The following UNC13C variants were observed in gnomAD, a reference collection of about 807,000 sequenced individuals.
UNC13C encodes protein unc-13 homolog C.
In UNC13C, 174 loss-of-function variants were observed where a neutral mutation model predicts 245.4. That is an observed-to-expected ratio of 0.71 (90% confidence interval 0.63 to 0.80). The LOEUF (loss-of-function observed/expected upper bound fraction) is 0.80, where lower values mean the gene tolerates loss of function less well. Among genes scored for constraint, UNC13C ranks in the 30% least tolerant of loss-of-function variants. UNC13C has a pLI of 0.00. For missense variants in UNC13C, 2,829 were observed against 2,602.9 expected (o/e 1.09, Z -1.89); for synonymous variants, 992 against 895.1 (o/e 1.11, Z -1.93).
intron 29 of UNC13C, among the ~76,000 whole-genome samples, chr15:54,561,708 T>G (rs943831196): frequency 6.6e-6 from 1 of 151,990 alleles, no homozygotes; most frequent in African/African-American, 2.4e-5. Flanking sequence ...AGAGGATTCA[T>G]CGATGATTTT....
chr15:53,862,071 A>G, the UNC13C span, among the ~76,000 whole-genome samples: 1 of 151,914 alleles, frequency 6.6e-6, no homozygotes, highest in Non-Finnish European at 1.5e-5. Context: ...ACAGAAATTT[A>G]TTTTTCACAG....
intron 29 of UNC13C, among the ~76,000 whole-genome samples, chr15:54,560,254 T>A (rs1897248494): frequency 6.6e-6 from 1 of 151,916 alleles, no homozygotes; most frequent in Non-Finnish European, 1.5e-5. Context: ...ATTCTTCTTA[T>A]AATCTTGTAA....
At chr15:54,463,088 G>A (rs1457321095) in intron 19 of UNC13C, among the ~76,000 whole-genome samples, 1 of 151,632 alleles carries the variant, frequency 6.6e-6, no homozygotes, top group African/African-American at 2.4e-5. Context: ...AATCTAGTGG[G>A]GACTTGGAGA....
chr15:53,943,610 A>G, the UNC13C span, among the ~76,000 whole-genome samples: 2 of 152,168 alleles, frequency 1.3e-5, no homozygotes. Flanking sequence ...TTATCCATAA[A>G]GGGCTTATGC....
At chr15:54,053,945 A>G (rs1283429241) in intron 2 of UNC13C, among the ~76,000 whole-genome samples, 1 of 152,164 alleles carries the variant, frequency 6.6e-6, no homozygotes, top group African/African-American at 2.4e-5. Flanking sequence ...TTTCAGTTCT[A>G]TTCATGTTGT....
At chr15:54,479,126 G>T (rs1474945166) in intron 19 of UNC13C, among the ~76,000 whole-genome samples, 1 of 151,996 alleles carries the variant, frequency 6.6e-6, no homozygotes, top group Non-Finnish European at 1.5e-5. Flanking sequence ...GAATATATAT[G>T]CTGTCCAGTG....
intron 30 of UNC13C, among the ~76,000 whole-genome samples, chr15:54,576,679 T>C (rs1466044135): frequency 1.3e-5 from 2 of 152,180 alleles, no homozygotes; most frequent in African/African-American, 4.8e-5. Context: ...CTGTAGGACA[T>C]TGCTGCATTG....
At chr15:53,948,308 T>C in the UNC13C span, 74 of 152,290 alleles carry the variant, frequency 4.9e-4, no homozygotes, top group African/African-American at 1.6e-3. Context: ...AAGTACTCTG[T>C]TGAGAAACTT....
chr15:54,389,642 C>A (rs1375838833), intron 17 of UNC13C, among the ~76,000 whole-genome samples: 1 of 152,074 alleles, frequency 6.6e-6, no homozygotes, highest in African/African-American at 2.4e-5. Flanking sequence ...TCATCAAAAG[C>A]TGTTATAGCC....
At chr15:53,910,053 A>G in the UNC13C span, among the ~76,000 whole-genome samples, 4 of 141,964 alleles carry the variant, frequency 2.8e-5, no homozygotes, top group Admixed American at 2.9e-4. Context: ...TGGTAGGGAA[A>G]CTGTGCCTGC....
At chr15:54,003,990 G>A (rs143716081) in intron 1 of UNC13C, among the ~76,000 whole-genome samples, 13 of 152,138 alleles carry the variant, frequency 8.5e-5, no homozygotes, top group African/African-American at 2.9e-4. Context: ...CAGCCTGGGC[G>A]ACAGAGTGAG....
chr15:54,585,121 T>C (rs1019641224), intron 30 of UNC13C, among the ~76,000 whole-genome samples: 7 of 152,134 alleles, frequency 4.6e-5, no homozygotes, highest in African/African-American at 1.7e-4. Context: ...GTAACAGAGA[T>C]GGTGATATAG....
chr15:54,507,914 T>G (rs1288332446), intron 23 of UNC13C, among the ~76,000 whole-genome samples: 1 of 151,844 alleles, frequency 6.6e-6, no homozygotes. Context: ...AAAAACCAGT[T>G]TTTTCCCCCT....
chr15:54,164,866 A>T (rs912531908), intron 4 of UNC13C, among the ~76,000 whole-genome samples: 8 of 152,226 alleles, frequency 5.3e-5, no homozygotes, highest in Non-Finnish European at 1.0e-4. Context: ...TATAATTTGA[A>T]ATTTTAGCTA....
Position 54,264,348 on chromosome 15 carries a change from G to C in UNC13C, c.3629G>C (p.Ser1210Thr). The change falls in exon 9 of 33, where the codon AGT (serine) becomes ACT (threonine). Residue 1210 changes from serine (S) to threonine (T), a missense_variant. Ser to Thr is a moderately conservative substitution (Grantham distance 58). Coordinates refer to ENST00000260323, the MANE Select transcript of UNC13C (RefSeq NM_001080534.3). ...FVQFTKAAKQ[S>T]VLDGTSKWSA... ...CAGTTTACAAAGGCGGCCAAACAGA[G>C]TGTACTGGATGGGACATCTAAGTGG... is the stretch of plus-strand genomic sequence containing the variant. The C allele has an allele frequency of 6.2e-7, 1 of 1,606,144 alleles. No individual in the cohort carries two copies. The highest frequency in any genetic ancestry group is 8.5e-7 in the Non-Finnish European group (1 of 1,175,960).
intron 19 of UNC13C, among the ~76,000 whole-genome samples, chr15:54,458,901 G>A (rs1474466111): frequency 6.6e-6 from 1 of 151,908 alleles, no homozygotes; most frequent in Non-Finnish European, 1.5e-5. Context: ...TATATTCAAT[G>A]TTAGTATTGA....
intron 4 of UNC13C, among the ~76,000 whole-genome samples, chr15:54,184,716 C>T (rs566829643): frequency 3.3e-5 from 5 of 152,132 alleles, no homozygotes; most frequent in Non-Finnish European, 5.9e-5. Context: ...TGAATAGTGC[C>T]GCAATAAACA....
intron 2 of UNC13C, among the ~76,000 whole-genome samples, chr15:54,041,079 C>T (rs1896788860): frequency 6.6e-6 from 1 of 152,186 alleles, no homozygotes; most frequent in African/African-American, 2.4e-5. Context: ...ACCAGAGCAG[C>T]AGACTTTGTC....
chr15:54,415,427 A>T (rs1325646094), intron 19 of UNC13C, among the ~76,000 whole-genome samples: 1 of 152,144 alleles, frequency 6.6e-6, no homozygotes, highest in Non-Finnish European at 1.5e-5. Context: ...ACTTGGAAAT[A>T]GTATCCACCA....
Sources: gnomAD v4.1 joint callset for allele counts (sites outside exome capture counted in the v4.1 genomes callset) on GRCh38, gnomAD v4.1.1 for gene constraint, MANE v1.5 for transcripts, NCBI Gene and HGNC (gene_info 2026-07-23, HGNC 2026-07-21) for gene names.